The following DNAH3 variants were observed in gnomAD, a reference collection of about 807,000 sequenced individuals.
The protein encoded by DNAH3 is dynein axonemal heavy chain 3.
DNAH3 carries 332 observed loss-of-function variants against 432.5 expected under a neutral mutation model. The observed-to-expected ratio is 0.77, with a 90% CI of 0.70 to 0.84. The LOEUF is 0.84. Ranked by LOEUF, DNAH3 falls within the 40% of genes least tolerant of loss-of-function variation. The pLI is 0.00. For missense variants in DNAH3, 4,861 were observed against 5,114.0 expected (o/e 0.95, Z 1.51); for synonymous variants, 1,956 against 1,900.2 (o/e 1.03, Z -0.76).
At chr16:21,070,623 T>C in intron 22 of DNAH3, 87 bp downstream of exon 22, 1 of 804,376 alleles carries the variant, frequency 1.2e-6, no homozygotes, top group East Asian at 2.5e-5. Flanking sequence ...ACTTTCTTTG[T>C]TAACTGAACG....
chr16:21,085,205 C>A (rs1013767998), intron 19 of DNAH3, among the ~76,000 whole-genome samples: 6 of 151,356 alleles, frequency 4.0e-5, no homozygotes, highest in Admixed American at 6.6e-5. Flanking sequence ...ATAGTAAGAC[C>A]CCCCCCATCT....
intron 6 of DNAH3, among the ~76,000 whole-genome samples, chr16:21,134,765 C>T (rs975095752): frequency 1.2e-4 from 18 of 152,268 alleles, no homozygotes; most frequent in Non-Finnish European, 1.6e-4. Context: ...ACTGCAACCT[C>T]CACCTCCGCC....
chr16:21,025,405 CATA>C lies in DNAH3; in HGVS notation c.5541-707_5541-705del, dbSNP rs540091735. 1.5e-3 allele frequency among the ~76,000 whole-genome samples: 215 copies of C among 146,370 alleles called. 8 individuals carry two copies. In the South Asian group the frequency reaches 0.045, roughly 30 times the overall value. On this transcript the variant is annotated intron_variant, in intron 38 of 61. Transcript: ENST00000261383. ...GTATATATATTATTATATATTAGCA[CATA>C]ATAATATAGTATATATTAGTATATA...
chr16:21,019,719 T>A (rs762729297), exon 41 of DNAH3: 2 of 1,614,060 alleles, frequency 1.2e-6, no homozygotes, highest in Non-Finnish European at 1.7e-6. Flanking sequence ...GAAAAACACA[T>A]CAAATTTCTT....
rs372783195 is a variant in DNAH3, at chr16:21,034,991, G to T, written c.5086-906C>A. Among the ~76,000 whole-genome samples, 15 of 152,318 alleles carry T rather than the reference G, an allele frequency of 9.8e-5. No homozygotes were observed. In the South Asian group the frequency reaches 2.5e-3, roughly 25 times the overall value. On this transcript the variant is annotated intron_variant, in intron 35 of 61. Transcript: ENST00000261383. ...ACAAAATCCCTAACCATTAAGTAGG[G>T]TTGACATTCAGGTGGTTTGAAAGCT...
At chr16:21,159,337 C>G (rs758012502) in exon 1 of DNAH3, 20 of 1,614,018 alleles carry the variant, frequency 1.2e-5, no homozygotes, top group Non-Finnish European at 1.6e-5. Context: ...GCATTTCACT[C>G]CCTTCCTCCT....
intron 19 of DNAH3, among the ~76,000 whole-genome samples, chr16:21,084,077 T>C (rs1002365098): frequency 7.9e-5 from 12 of 151,836 alleles, no homozygotes; most frequent in South Asian, 4.2e-4. Context: ...AGTCAAACAG[T>C]GTAGAAAAAT....
exon 14 of DNAH3, chr16:21,111,757 G>A: frequency 6.2e-7 from 1 of 1,613,944 alleles, no homozygotes; most frequent in Non-Finnish European, 8.5e-7. Flanking sequence ...GCACGGTGAT[G>A]TTCATGGATG....
intron 43 of DNAH3, among the ~76,000 whole-genome samples, chr16:20,999,091 C>A (rs2086897657): frequency 6.6e-6 from 1 of 152,104 alleles, no homozygotes. Context: ...CCCGTCTCTA[C>A]AAAGAATGGA....
intron 18 of DNAH3, among the ~76,000 whole-genome samples, chr16:21,088,727 A>C (rs1354185939): frequency 6.6e-6 from 1 of 152,230 alleles, no homozygotes; most frequent in Non-Finnish European, 1.5e-5. Flanking sequence ...CTGTGGATAC[A>C]GTCAACTCAG....
chr16:21,138,952 A>G (rs2092681635), intron 5 of DNAH3, among the ~76,000 whole-genome samples: 1 of 152,220 alleles, frequency 6.6e-6, no homozygotes, highest in African/African-American at 2.4e-5. Context: ...AGAGATAATC[A>G]TAGAACCTGG....
intron 39 of DNAH3, 69 bp from the exon 40 acceptor site, chr16:21,022,169 T>A (rs2088269857): frequency 3.8e-6 from 6 of 1,563,740 alleles, no homozygotes; most frequent in Admixed American, 1.7e-5. Flanking sequence ...AAGAGCTTGG[T>A]CTACCTTGTG....
intron 41 of DNAH3, among the ~76,000 whole-genome samples, chr16:21,005,957 G>A (rs2087282766): frequency 6.6e-6 from 1 of 151,302 alleles, no homozygotes; most frequent in Non-Finnish European, 1.5e-5. Context: ...TTATGTATCA[G>A]TTTTCCTTAG....
chr16:21,067,777 GAGAGA>G (rs2090618872), intron 23 of DNAH3, among the ~76,000 whole-genome samples: 1 of 46,822 alleles, frequency 2.1e-5, no homozygotes, highest in African/African-American at 9.0e-5. Context: ...GGTGGGGAGG[GAGAGA>G]GAGAGAGAGA....
chr16:21,135,314 A>C (rs188127506), intron 6 of DNAH3, among the ~76,000 whole-genome samples: 11 of 152,336 alleles, frequency 7.2e-5, no homozygotes, highest in Admixed American at 4.6e-4. Flanking sequence ...TACAAATAGA[A>C]GTTTAAAGAC....
At chr16:20,963,982 G>A in exon 53 of DNAH3, 1 of 1,614,192 alleles carries the variant, frequency 6.2e-7, no homozygotes, top group Non-Finnish European at 8.5e-7. Context: ...GATGGTGGCA[G>A]AATGCACAGC....
chr16:21,109,313 CAG>C (rs1567805908), intron 14 of DNAH3, among the ~76,000 whole-genome samples: 2 of 152,096 alleles, frequency 1.3e-5, no homozygotes, highest in South Asian at 2.1e-4. Flanking sequence ...CCTAACCTGT[CAG>C]AGTCTCAGTG....
intron 20 of DNAH3, among the ~76,000 whole-genome samples, chr16:21,079,522 C>T (rs2091103276): frequency 1.3e-5 from 2 of 152,122 alleles, no homozygotes; most frequent in African/African-American, 2.4e-5. Context: ...ACTCGGGAGG[C>T]TGAGGCAGAA....
rs368230132 is a variant in DNAH3, at chr16:21,070,505, A to G, written c.3201+205T>C. Reference sequence around the variant, plus strand: ...ACCATGTTGGCCAGGCTGGTCTTGAACTCCTGACCTCAGGTGATCTGCCCG... The same window carrying G: ...ACCATGTTGGCCAGGCTGGTCTTGAGCTCCTGACCTCAGGTGATCTGCCCG... On this transcript the variant is annotated intron_variant, in intron 22 of 61. Coordinates refer to ENST00000261383, the Ensembl canonical transcript of DNAH3. Among the ~76,000 whole-genome samples the G allele has an allele frequency of 1.3e-4, 19 of 151,534 alleles. No homozygotes were observed. In the East Asian group the frequency reaches 2.5e-3, roughly 20 times the overall value.
Sources: allele counts gnomAD v4.1 joint callset (sites outside exome capture counted in the v4.1 genomes callset), GRCh38; gene constraint gnomAD v4.1.1; transcripts MANE v1.5; gene names NCBI Gene and HGNC (gene_info 2026-07-23, HGNC 2026-07-21).